The following CNTN6 variants were observed in gnomAD, a reference collection of about 807,000 sequenced individuals.
CNTN6 encodes the protein contactin 6.
In CNTN6, 137 loss-of-function variants were observed where a neutral mutation model predicts 122.8. That is an observed-to-expected ratio of 1.12 (90% CI 0.97 to 1.29). The LOEUF is 1.29. CNTN6 is among the 50% of genes most tolerant of loss of function. The pLI is 0.00. For synonymous variants in CNTN6, 570 were observed against 426.0 expected, an observed-to-expected ratio of 1.34 and a Z score of -4.16; for missense variants, 1,634 against 1,223.4, an observed-to-expected ratio of 1.34 and a Z score of -5.01.
intron 2 of CNTN6, among the ~76,000 whole-genome samples, chr3:1,177,772 G>A (rs1335009054): frequency 2.0e-5 from 3 of 151,322 alleles, no homozygotes. Context: ...TTATTTTTCG[G>A]TATATATGTA....
intron 2 of CNTN6, among the ~76,000 whole-genome samples, chr3:1,169,816 TCCAAATATCA>T (rs939060375): frequency 1.3e-5 from 2 of 152,238 alleles, no homozygotes; most frequent in African/African-American, 4.8e-5. Context: ...ATTCTGAATT[TCCAAATATCA>T]CCAAAAATTC....
At position 1,228,417 on chromosome 3, in the gene CNTN6, G is replaced by A. The variant is rs144350123; in HGVS notation, c.358+424G>A. Among the ~76,000 whole-genome samples the A allele has an allele frequency of 4.5e-4, 68 of 152,230 alleles. 2 individuals are homozygous for A. The East Asian group carries it at 8.1e-3, about 18-fold the overall frequency. Reference sequence around the variant, plus strand: ...TCCCAAGAAAAGCGATCATGCACCCGTAGTTTGATGTAGGTGGAAATAAAG... The same window carrying A: ...TCCCAAGAAAAGCGATCATGCACCCATAGTTTGATGTAGGTGGAAATAAAG... On this transcript the variant is annotated intron_variant, in intron 4 of 22. Transcript: ENST00000446702.
At chr3:1,378,605 A>AG (rs1710218146) in intron 17 of CNTN6, among the ~76,000 whole-genome samples, 2 of 152,106 alleles carry the variant, frequency 1.3e-5, no homozygotes, top group Admixed American at 1.3e-4. Context: ...GGCCAGACAG[A>AG]GGGGGAAACC....
At chr3:1,186,375 C>G (rs1017440314) in intron 2 of CNTN6, among the ~76,000 whole-genome samples, 2 of 152,068 alleles carry the variant, frequency 1.3e-5, no homozygotes, top group Non-Finnish European at 2.9e-5. Context: ...TGCAACTACT[C>G]TCTCATAATT....
At position 1,388,018 on chromosome 3, in the gene CNTN6, T is replaced by TAAAC. The variant is rs1231412251; in HGVS notation, c.2704+2225_2704+2228dup. ...CCGCCATTGGCCAGGCTTGATTAGG[T>TAAAC]AAACAAAGCAGCCAGGAAGCTCCAA... is the stretch of plus-strand genomic sequence containing the variant. On this transcript the variant is annotated intron_variant, in intron 20 of 22. Coordinates refer to ENST00000446702, the MANE Select transcript of CNTN6 (RefSeq NM_001289080.2). Among the ~76,000 whole-genome samples, 8 of 152,056 alleles carry TAAAC rather than the reference T, an allele frequency of 5.3e-5. No individual in the cohort carries two copies. In the South Asian group the frequency reaches 8.3e-4, roughly 16 times the overall value.
intron 20 of CNTN6, among the ~76,000 whole-genome samples, chr3:1,399,785 G>A (rs1695451180): frequency 6.6e-6 from 1 of 152,052 alleles, no homozygotes; most frequent in Non-Finnish European, 1.5e-5. Context: ...ACTGTGCTAG[G>A]GGTTAGTAAT....
chr3:1,375,683 G>A (rs973216782), intron 16 of CNTN6, among the ~76,000 whole-genome samples: 2 of 152,098 alleles, frequency 1.3e-5, no homozygotes, highest in Admixed American at 6.6e-5. Context: ...GATTCACATC[G>A]CTTTTGATCA....
At chr3:1,200,169 G>A (rs2093841655) in intron 2 of CNTN6, among the ~76,000 whole-genome samples, 1 of 152,154 alleles carries the variant, frequency 6.6e-6, no homozygotes, top group Non-Finnish European at 1.5e-5. Context: ...GAGTAGGTGG[G>A]ATTACAAGTG....
intron 8 of CNTN6, among the ~76,000 whole-genome samples, chr3:1,324,915 C>T (rs1701324896): frequency 7.0e-6 from 1 of 143,310 alleles, no homozygotes; most frequent in South Asian, 2.1e-4. Context: ...GAATTAAGTG[C>T]AATTACAAAT....
rs1559994368 is a variant in CNTN6, at chr3:1,385,711, C to CCAT, written c.2620_2622dup (p.Ile874dup). 1 of 1,614,042 alleles carries CCAT rather than the reference C, an allele frequency of 6.2e-7. No homozygotes were observed. Among genetic ancestry groups the CCAT allele is most frequent in the Non-Finnish European group, 8.5e-7 (1 of 1,179,944 alleles). On this transcript the variant is annotated inframe_insertion, in exon 20 of 23. Transcript: ENST00000446702. ...AACATCACGGGGCTGAAAGCTAATACCATCTACTTTGCTTCCGTAAGAGCT... is the reference window on the plus strand; with the variant it reads ...AACATCACGGGGCTGAAAGCTAATACCATCATCTACTTTGCTTCCGTAAGAGCT...
At chr3:1,348,846 T>C (rs1014514460) in intron 11 of CNTN6, among the ~76,000 whole-genome samples, 9 of 151,940 alleles carry the variant, frequency 5.9e-5, no homozygotes, top group African/African-American at 2.2e-4. Context: ...CAGAAGTTTG[T>C]CTTAAGCATT....
At chr3:1,289,007 C>A (rs1183930971) in intron 5 of CNTN6, among the ~76,000 whole-genome samples, 1 of 152,226 alleles carries the variant, frequency 6.6e-6, no homozygotes, top group Non-Finnish European at 1.5e-5. Flanking sequence ...TCTAATGCTA[C>A]TGCTGACTCA....
At chr3:1,292,727 T>A (rs1437727262) in intron 5 of CNTN6, among the ~76,000 whole-genome samples, 1 of 152,194 alleles carries the variant, frequency 6.6e-6, no homozygotes, top group Non-Finnish European at 1.5e-5. Flanking sequence ...ACTCTTCTTA[T>A]CCTGTTGATT....
At position 1,275,736 on chromosome 3, in the gene CNTN6, C is replaced by A. The variant is rs561659486; in HGVS notation, c.359-2677C>A. Among the ~76,000 whole-genome samples the A allele has an allele frequency of 7.9e-5, 12 of 152,268 alleles. No individual in the cohort carries two copies. In the South Asian group the frequency reaches 2.5e-3, roughly 32 times the overall value. On this transcript the variant is annotated intron_variant, in intron 4 of 22. Transcript: ENST00000446702. ...ATCACAAGGAGTGTGCAACTTGGAT[C>A]CCTCACATGCGCGGTTCACAATAGG...
chr3:1,320,869 T>G (rs1700745012), intron 7 of CNTN6, among the ~76,000 whole-genome samples: 1 of 151,718 alleles, frequency 6.6e-6, no homozygotes, highest in Admixed American at 6.6e-5. Flanking sequence ...TTTGCTCCTT[T>G]GAAAGATACC....
At chr3:1,154,690 G>A (rs1234263762) in intron 2 of CNTN6, among the ~76,000 whole-genome samples, 10 of 152,030 alleles carry the variant, frequency 6.6e-5, no homozygotes, top group Non-Finnish European at 1.5e-4. Context: ...TGTTCCGCCC[G>A]CCTCAGCCTC....
At chr3:1,390,002 G>A (rs909911190) in intron 20 of CNTN6, among the ~76,000 whole-genome samples, 6 of 151,448 alleles carry the variant, frequency 4.0e-5, no homozygotes, top group African/African-American at 1.5e-4. Flanking sequence ...ACAGATCAAT[G>A]AGACAGAAAG....
intron 4 of CNTN6, among the ~76,000 whole-genome samples, chr3:1,247,353 C>G (rs898027661): frequency 3.9e-5 from 6 of 151,964 alleles, no homozygotes; most frequent in Admixed American, 6.6e-5. Flanking sequence ...TCTTTTTTCT[C>G]TCTTCCTTTG....
chr3:1,237,310 C>A (rs2094434469), intron 4 of CNTN6, among the ~76,000 whole-genome samples: 1 of 151,738 alleles, frequency 6.6e-6, no homozygotes, highest in South Asian at 2.1e-4. Context: ...TAAGACAAGG[C>A]TTTCAAATTA....
Sources: gnomAD v4.1 joint callset for allele counts (sites outside exome capture counted in the v4.1 genomes callset) on GRCh38, gnomAD v4.1.1 for gene constraint, MANE v1.5 for transcripts, NCBI Gene and HGNC (gene_info 2026-07-23, HGNC 2026-07-21) for gene names.